REPS2: variants seen among roughly 807,000 people sequenced by gnomAD.
REPS2 encodes the protein ralBP1-associated Eps domain-containing protein 2.
In REPS2, 23 loss-of-function variants were observed where a neutral mutation model predicts 53.6. The ratio of observed to expected loss-of-function variants is 0.43; its 90% CI spans 0.31 to 0.61. The LOEUF is 0.61. REPS2 is among the 20% of genes least tolerant of loss of function. REPS2 has a pLI of 0.11. For missense variants in REPS2, 446 were observed against 534.9 expected, an observed-to-expected ratio of 0.83 and a Z score of 1.64; for synonymous variants, 238 against 218.6, an observed-to-expected ratio of 1.09 and a Z score of -0.78.
the REPS2 span, among the ~76,000 whole-genome samples, chrX:17,189,391 T>C: frequency 9.1e-6 from 1 of 109,324 alleles, no homozygotes. Flanking sequence ...GTTCAAGCAA[T>C]TCTCTTGCCT....
chrX:17,134,917 C>T (rs756496705), intron 15 of REPS2, among the ~76,000 whole-genome samples: 62 of 111,292 alleles, frequency 5.6e-4, no homozygotes, highest in African/African-American at 1.8e-3. Context: ...CCACTGCGCC[C>T]GGCCAAAATT....
intron 13 of REPS2, among the ~76,000 whole-genome samples, chrX:17,083,980 C>T (rs1292644368): frequency 3.6e-5 from 4 of 110,937 alleles, no homozygotes; most frequent in African/African-American, 1.3e-4. Context: ...TTAGTATATT[C>T]ATAGTGTTAT....
At chrX:17,074,027 C>A in intron 11 of REPS2, 87 bp from the exon 12 acceptor site, 1 of 776,859 alleles carries the variant, frequency 1.3e-6, no homozygotes, top group Non-Finnish European at 1.9e-6. Context: ...TCACATTTAC[C>A]TGTTGATGTG....
At chrX:16,984,678 C>T (rs1431778560) in intron 1 of REPS2, among the ~76,000 whole-genome samples, 1 of 111,904 alleles carries the variant, frequency 8.9e-6, no homozygotes, top group Non-Finnish European at 1.9e-5. Flanking sequence ...TACAAATTGG[C>T]TTTTGTAAAC....
At chrX:16,956,068 GAAA>G (rs778500224) in intron 1 of REPS2, among the ~76,000 whole-genome samples, 2 of 110,727 alleles carry the variant, frequency 1.8e-5, no homozygotes, top group African/African-American at 3.3e-5. Context: ...TAGGAGGCAG[GAAA>G]AAAAAGTGGA....
chrX:17,106,379 T>C (rs1364720106), intron 14 of REPS2, among the ~76,000 whole-genome samples: 1 of 110,017 alleles, frequency 9.1e-6, no homozygotes, highest in African/African-American at 3.3e-5. Flanking sequence ...ATAGGAAGAA[T>C]CAATATCGTG....
intron 5 of REPS2, among the ~76,000 whole-genome samples, chrX:17,039,935 G>A (rs2061810864): frequency 8.9e-6 from 1 of 112,666 alleles, no homozygotes; most frequent in African/African-American, 3.2e-5. Flanking sequence ...CTAAGTGATC[G>A]TTTCAAAAAG....
chrX:17,192,330 C>A, the REPS2 span, among the ~76,000 whole-genome samples: 1 of 112,512 alleles, frequency 8.9e-6, no homozygotes, highest in Admixed American at 9.4e-5. Context: ...ATTTTGTTAA[C>A]AGGAGACAGG....
chrX:16,987,876 C>A (rs993776726), intron 1 of REPS2, among the ~76,000 whole-genome samples: 1 of 111,896 alleles, frequency 8.9e-6, no homozygotes, highest in Non-Finnish European at 1.9e-5. Flanking sequence ...TACCTGGGAT[C>A]ATTTTCAAGG....
At chrX:17,056,031 A>C (rs1401416827) in intron 8 of REPS2, among the ~76,000 whole-genome samples, 1 of 112,031 alleles carries the variant, frequency 8.9e-6, no homozygotes, top group Non-Finnish European at 1.9e-5. Flanking sequence ...AAAAAAAAAA[A>C]CAAAAAAACT....
chrX:16,972,437 C>T (rs753669479), intron 1 of REPS2, among the ~76,000 whole-genome samples: 2 of 111,900 alleles, frequency 1.8e-5, no homozygotes, highest in Non-Finnish European at 3.8e-5. Context: ...AATGCTAAGT[C>T]GTAGACTACT....
intron 1 of REPS2, among the ~76,000 whole-genome samples, chrX:16,986,698 AAC>A (rs1404610083): frequency 9.0e-6 from 1 of 111,325 alleles, no homozygotes; most frequent in Non-Finnish European, 1.9e-5. Flanking sequence ...TAAAGAGAAG[AAC>A]TACCTAAGTT....
intron 13 of REPS2, among the ~76,000 whole-genome samples, chrX:17,079,772 A>G (rs754194452): frequency 4.4e-5 from 5 of 112,518 alleles, no homozygotes; most frequent in Non-Finnish European, 7.5e-5. Context: ...TAAATTTATC[A>G]CATGAAGAAT....
rs769638689 is a variant in REPS2 at position 17,054,766 on chromosome X, G to GT, written c.972-41dup. 4.2e-6 allele frequency: 5 copies of GT among 1,191,636 alleles called. No individual in the cohort carries two copies. The African/African-American group carries it at 7.1e-5, about 17-fold the overall frequency. ...ACGTTTGGGCCAAGTAACTTGTTCT[G>GT]TAAGCCCCATGGTAGGTACTCATGA... is the stretch of plus-strand genomic sequence containing the variant. On this transcript the variant is annotated intron_variant, in intron 7 of 17. Transcript: ENST00000357277.
intron 1 of REPS2, among the ~76,000 whole-genome samples, chrX:16,984,011 G>A (rs1018682694): frequency 8.9e-6 from 1 of 112,730 alleles, no homozygotes; most frequent in Non-Finnish European, 1.9e-5. Flanking sequence ...ACAATTATGT[G>A]TTGTATTAGT....
chrX:17,067,384 C>A (rs1236843487), intron 9 of REPS2, among the ~76,000 whole-genome samples: 2 of 111,922 alleles, frequency 1.8e-5, no homozygotes, highest in South Asian at 3.7e-4. Context: ...AGTTAACATA[C>A]CTGTCACCTC....
At chrX:16,991,554 G>T (rs927977548) in intron 1 of REPS2, among the ~76,000 whole-genome samples, 1 of 111,094 alleles carries the variant, frequency 9.0e-6, no homozygotes, top group African/African-American at 3.3e-5. Flanking sequence ...ATATATTAAA[G>T]TCGTAACCCT....
chrX:17,034,136 G>T (rs1421436339), intron 5 of REPS2, among the ~76,000 whole-genome samples: 1 of 111,192 alleles, frequency 9.0e-6, no homozygotes, highest in Admixed American at 9.5e-5. Context: ...GTGCAACTCA[G>T]CCAGAGGGAT....
intron 11 of REPS2, among the ~76,000 whole-genome samples, chrX:17,072,269 G>A (rs2062317674): frequency 8.9e-6 from 1 of 112,516 alleles, no homozygotes; most frequent in African/African-American, 3.2e-5. Context: ...TCTAAAGTAC[G>A]TTCAGTTTTT....
Sources: allele counts gnomAD v4.1 joint callset (sites outside exome capture counted in the v4.1 genomes callset), GRCh38; gene constraint gnomAD v4.1.1; transcripts MANE v1.5; gene names NCBI Gene and HGNC (gene_info 2026-07-23, HGNC 2026-07-21).